The following EIF2AK3 variants were observed in gnomAD, a reference collection of about 807,000 sequenced individuals.
EIF2AK3 encodes eukaryotic translation initiation factor 2-alpha kinase 3.
A neutral mutation model predicts 113.5 loss-of-function variants in EIF2AK3; 50 were observed. The observed-to-expected ratio is 0.44, with a 90% CI of 0.35 to 0.56. The LOEUF (loss-of-function observed/expected upper bound fraction) is 0.56, where lower values mean the gene tolerates loss of function less well. Ranked by LOEUF, EIF2AK3 falls within the 20% of genes least tolerant of loss-of-function variation. The pLI is 0.00. For synonymous variants in EIF2AK3, 448 were observed against 495.4 expected, an observed-to-expected ratio of 0.90 and a Z score of 1.27; for missense variants, 1,185 against 1,378.0, an observed-to-expected ratio of 0.86 and a Z score of 2.22.
chr2:88,613,974 G>A, intron 1 of EIF2AK3, 121 bp from the exon 2 acceptor site: 1 of 838,812 alleles, frequency 1.2e-6, no homozygotes, highest in Non-Finnish European at 1.9e-6. Context: ...GGAAGAGGGG[G>A]CCTTCTACCA....
chr2:88,590,538 T>C lies in EIF2AK3; in HGVS notation c.1070A>G (p.Asp357Gly). 6.2e-7 allele frequency: 1 copy of C among 1,613,636 alleles called. No homozygotes were observed. Among genetic ancestry groups the C allele is most frequent in the Non-Finnish European group, 8.5e-7 (1 of 1,179,924 alleles). Residue 357 changes from aspartate (D) to glycine (G), a missense_variant, in exon 6 of 17, where the codon GAT becomes GGT. Transcript: ENST00000303236. Reference sequence around the variant, plus strand: ...ATCATTAGATGTATAACTTGTATCATCAAAAAGACTGATGGGAATGACTTT... The same window carrying C: ...ATCATTAGATGTATAACTTGTATCACCAAAAAGACTGATGGGAATGACTTT... ...DGKVIPISLF[D>G]DTSYTSNDDV...
At chr2:88,609,003 G>A (rs1675365786) in intron 2 of EIF2AK3, among the ~76,000 whole-genome samples, 1 of 151,490 alleles carries the variant, frequency 6.6e-6, no homozygotes, top group Admixed American at 6.6e-5. Flanking sequence ...CAAAGTGCTG[G>A]GATTACAGGT....
Position 88,575,312 on chromosome 2 carries a change from A to C in EIF2AK3, c.2171T>G (p.Val724Gly), listed in dbSNP as rs1236281507. The C allele has an allele frequency of 6.2e-7, 1 of 1,614,044 alleles. No homozygotes were observed. The highest frequency in any genetic ancestry group is 1.3e-5 in the African/African-American group (1 of 74,924). ...PSPQRSRSFS[V>G]GISCDQTSSS... ...ACTTGTCTGGTCACAGGAAATCCCT[A>C]CTGAAAAAGACCTGCTTCTTTGTGG... Residue 724 changes from valine to glycine, a missense_variant, in exon 13 of 17, where the codon GTA becomes GGA. Physicochemically the swap from Val to Gly is moderately radical, Grantham distance 109. This residue lies in a region of EIF2AK3 where 877 missense variants were observed against 1,024.2 expected (regional missense o/e 0.86). Transcript: ENST00000303236.
At position 88,574,819 on chromosome 2, in the gene EIF2AK3, C is replaced by T. The variant is rs1325927822; in HGVS notation, c.2664G>A (p.Met888Ile). 2 of 1,614,164 alleles carry T rather than the reference C, an allele frequency of 1.2e-6. No homozygotes were observed. Among genetic ancestry groups the T allele is most frequent in the Middle Eastern group, 1.7e-4 (1 of 6,060 alleles). The change falls in exon 13 of 17, where the codon ATG (methionine) becomes ATA (isoleucine). Residue 888 changes from methionine (M) to isoleucine (I), a missense_variant. Physicochemically the swap from Met to Ile is conservative, Grantham distance 10. Around this residue, in one of 3 missense-constraint regions of EIF2AK3, gnomAD observed 877 missense variants for 1,024.2 expected, o/e 0.86. Coordinates refer to ENST00000303236, the MANE Select transcript of EIF2AK3 (RefSeq NM_004836.7). ...TGAGGTTTTCTTTTCTGCACAGCTGCATTTGAATGTAAAGATACACCTTTG... is the reference window on the plus strand; with the variant it reads ...TGAGGTTTTCTTTTCTGCACAGCTGTATTTGAATGTAAAGATACACCTTTG... ...SSPKVYLYIQ[M>I]QLCRKENLKD...
chr2:88,565,375 CT>C (rs1055258728), intron 14 of EIF2AK3, among the ~76,000 whole-genome samples: 3 of 144,196 alleles, frequency 2.1e-5, no homozygotes, highest in Non-Finnish European at 4.5e-5. Context: ...GGGTTTCACT[CT>C]GTCACCCAGG....
At chr2:88,617,898 G>A (rs1675627075) in intron 1 of EIF2AK3, among the ~76,000 whole-genome samples, 1 of 152,190 alleles carries the variant, frequency 6.6e-6, no homozygotes, top group African/African-American at 2.4e-5. Flanking sequence ...AACAAACACA[G>A]CCAGGTGCAG....
At chr2:88,622,701 G>T (rs1246497554) in intron 1 of EIF2AK3, among the ~76,000 whole-genome samples, 1 of 152,166 alleles carries the variant, frequency 6.6e-6, no homozygotes. Context: ...GTCTGGAGTT[G>T]GGTGAGTGAA....
chr2:88,627,358 G>A lies in EIF2AK3; in HGVS notation c.-84C>T. 1 of 1,373,372 alleles carries A rather than the reference G, an allele frequency of 7.3e-7. No homozygotes were observed. The highest frequency in any genetic ancestry group is 9.5e-7 in the Non-Finnish European group (1 of 1,058,044). 85.1% of individuals were successfully genotyped at this position (1,373,372 alleles called of 1,614,324 possible). On this transcript the variant is annotated 5_prime_UTR_variant, in exon 1 of 17. Transcript: ENST00000303236. Reference sequence around the variant, plus strand: ...CCGCTTGGAGCTCCCAAGAAGGCAAGGACGTGCTAGGGACCCTACTGCCGC... The same window carrying A: ...CCGCTTGGAGCTCCCAAGAAGGCAAAGACGTGCTAGGGACCCTACTGCCGC...
At chr2:88,621,725 C>T (rs1675729764) in intron 1 of EIF2AK3, among the ~76,000 whole-genome samples, 3 of 152,076 alleles carry the variant, frequency 2.0e-5, no homozygotes, top group Admixed American at 2.0e-4. Context: ...CAAATCATAA[C>T]AAATATATCA....
chr2:88,619,681 C>T (rs1215998166), intron 1 of EIF2AK3, among the ~76,000 whole-genome samples: 1 of 152,134 alleles, frequency 6.6e-6, no homozygotes. Flanking sequence ...TGGCTGGGCA[C>T]GGTGACTCAC....
intron 14 of EIF2AK3, among the ~76,000 whole-genome samples, chr2:88,564,013 G>C (rs911947840): frequency 6.6e-6 from 1 of 151,976 alleles, no homozygotes; most frequent in Non-Finnish European, 1.5e-5. Flanking sequence ...TGTTTCTAAC[G>C]TGATTAAACA....
chr2:88,594,806 T>C (rs1414555972), intron 3 of EIF2AK3, among the ~76,000 whole-genome samples: 1 of 131,702 alleles, frequency 7.6e-6, no homozygotes, highest in Non-Finnish European at 1.6e-5. Flanking sequence ...TTAATCTTTA[T>C]AAGGTTCTTC....
In EIF2AK3 at chr2:88,595,600, G is replaced by C. The variant is rs762206822; in HGVS notation, c.502C>G (p.Arg168Gly). 2 of 1,613,808 alleles carry C rather than the reference G, an allele frequency of 1.2e-6. No individual in the cohort carries two copies. The highest frequency in any genetic ancestry group is 1.7e-6 in the Non-Finnish European group (2 of 1,179,864). The stretch of plus-strand genomic sequence containing the variant: ...AAAGGAACTGTTTCCATGCTTTCAC[G>C]GTCTTGGTCCCACTGGAAGAGGGCT... The part of the protein sequence containing the change: ...DGALFQWDQD[R>G]ESMETVPFTV... Residue 168 changes from arginine (R) to glycine (G), a missense_variant, in exon 3 of 17, where the codon CGT becomes GGT. Physicochemically the swap from Arg to Gly is moderately radical, Grantham distance 125. Coordinates refer to ENST00000303236, the MANE Select transcript of EIF2AK3 (RefSeq NM_004836.7).
chr2:88,614,243 C>T lies in EIF2AK3; in HGVS notation c.309-390G>A, dbSNP rs576312107. Reference sequence around the variant, plus strand: ...CGGGCTTTCCCTGAGGATATCGCTTCCCTACAGAAGCACAGATAATTTTTT... The same window carrying T: ...CGGGCTTTCCCTGAGGATATCGCTTTCCTACAGAAGCACAGATAATTTTTT... On this transcript the variant is annotated intron_variant, in intron 1 of 16. Coordinates refer to ENST00000303236, the MANE Select transcript of EIF2AK3 (RefSeq NM_004836.7). Among the ~76,000 whole-genome samples, 9 of 152,300 alleles carry T rather than the reference C, an allele frequency of 5.9e-5. No individual in the cohort carries two copies. The South Asian group carries it at 1.9e-3, about 32-fold the overall frequency.
chr2:88,583,609 G>T, intron 9 of EIF2AK3, 67 bp from the exon 10 acceptor site: 2 of 1,139,356 alleles, frequency 1.8e-6, no homozygotes, highest in East Asian at 2.4e-5. Context: ...ACAATTTTAG[G>T]TTATAAAATA....
At chr2:88,607,258 A>G (rs1489839386) in intron 2 of EIF2AK3, among the ~76,000 whole-genome samples, 1 of 152,208 alleles carries the variant, frequency 6.6e-6, no homozygotes, top group Non-Finnish European at 1.5e-5. Context: ...GAGGAATCAC[A>G]GACAAATTTC....
intron 2 of EIF2AK3, among the ~76,000 whole-genome samples, chr2:88,602,745 G>C (rs1486072385): frequency 6.6e-6 from 1 of 151,816 alleles, no homozygotes; most frequent in East Asian, 1.9e-4. Context: ...AGTGAGAGTT[G>C]AACAATGAGA....
chr2:88,624,393 G>C (rs1181137878), intron 1 of EIF2AK3, among the ~76,000 whole-genome samples: 1 of 152,192 alleles, frequency 6.6e-6, no homozygotes, highest in African/African-American at 2.4e-5. Context: ...GAGGAAAGGA[G>C]GGATTGGGGC....
At chr2:88,573,024 C>T (rs2104407116) in intron 13 of EIF2AK3, among the ~76,000 whole-genome samples, 1 of 151,636 alleles carries the variant, frequency 6.6e-6, no homozygotes, top group East Asian at 1.9e-4. Flanking sequence ...GGGGAGAGGG[C>T]CTAGAAGGTT....
Sources: allele counts gnomAD v4.1 joint callset (sites outside exome capture counted in the v4.1 genomes callset), GRCh38; gene constraint gnomAD v4.1.1; regional missense constraint gnomAD v4.1.1; transcripts MANE v1.5; gene names NCBI Gene and HGNC (gene_info 2026-07-23, HGNC 2026-07-21).